The following DENND6A variants were observed in gnomAD, a reference collection of about 807,000 sequenced individuals.
DENND6A encodes the protein protein DENND6A.
In DENND6A, 43 loss-of-function variants were observed where a neutral mutation model predicts 95.5. The ratio of observed to expected loss-of-function variants is 0.45; its 90% confidence interval spans 0.35 to 0.58. DENND6A has a LOEUF of 0.58. Among genes scored for constraint, DENND6A ranks in the 20% least tolerant of loss-of-function variants. The pLI is 0.00. For missense variants in DENND6A, 574 were observed against 736.0 expected, an observed-to-expected ratio of 0.78 and a Z score of 2.55; for synonymous variants, 257 against 260.4, an observed-to-expected ratio of 0.99 and a Z score of 0.13.
chr3:57,666,266 G>A, intron 3 of DENND6A, 31 bp from the exon 4 acceptor site: 1 of 1,523,804 alleles, frequency 6.6e-7, no homozygotes, highest in South Asian at 1.1e-5. Flanking sequence ...ATAAATTAAG[G>A]ATAGCTTAGT....
chr3:57,688,608 G>T (rs959088992), intron 1 of DENND6A, among the ~76,000 whole-genome samples: 1 of 151,854 alleles, frequency 6.6e-6, no homozygotes, highest in Non-Finnish European at 1.5e-5. Flanking sequence ...AGTAACGGGG[G>T]AGCAGAAACT....
intron 1 of DENND6A, among the ~76,000 whole-genome samples, chr3:57,689,512 A>AC: frequency 6.6e-6 from 1 of 151,942 alleles, no homozygotes; most frequent in Non-Finnish European, 1.5e-5. Flanking sequence ...AGCTCAGCAC[A>AC]CCCCCTGCAG....
rs1298313999 is a variant in DENND6A, at chr3:57,634,641, A to G, written c.1199-19T>C. The G allele has an allele frequency of 6.7e-7, 1 of 1,491,424 alleles. No homozygotes were observed. Among genetic ancestry groups the G allele is most frequent in the Non-Finnish European group, 9.0e-7 (1 of 1,115,854 alleles). The allele number at this position is 1,491,424 out of a possible 1,614,324, so 92.4% of individuals were successfully genotyped here. ...TAAACTCCTAAGAGCAAAGAAAAGA[A>G]GGTAAACAAAAAAACCCAAGTACCA... On this transcript the variant is annotated intron_variant, in intron 13 of 19. Transcript: ENST00000311128.
chr3:57,685,842 T>C (rs1015815856), intron 1 of DENND6A, among the ~76,000 whole-genome samples: 3 of 152,192 alleles, frequency 2.0e-5, no homozygotes, highest in African/African-American at 4.8e-5. Context: ...AGAAAAGCCA[T>C]ACATAGTTTG....
At chr3:57,649,688 CA>C (rs202175902) in intron 9 of DENND6A, among the ~76,000 whole-genome samples, 2,067 of 151,466 alleles carry the variant, frequency 0.014, 49 homozygotes, top group African/African-American at 0.048. Flanking sequence ...ATTTGTCCCC[CA>C]TGCTAATACT....
intron 9 of DENND6A, among the ~76,000 whole-genome samples, chr3:57,647,855 G>T (rs1355429488): frequency 1.3e-5 from 2 of 151,354 alleles, no homozygotes; most frequent in African/African-American, 2.4e-5. Context: ...ATCCATGGGG[G>T]TGGGGGTGGG....
Position 57,650,387 on chromosome 3 carries a change from AAT to A in DENND6A, c.819-3951_819-3950del, listed in dbSNP as rs550018830. On this transcript the variant is annotated intron_variant, in intron 9 of 19. Transcript: ENST00000311128. ...TAAATCAGTTAATAAAAAATAATTTAATATATGAGTGTGTATATATACATGCA... is the reference window on the plus strand; with the variant it reads ...TAAATCAGTTAATAAAAAATAATTTAATATGAGTGTGTATATATACATGCA... Among the ~76,000 whole-genome samples, 208 of 150,864 alleles carry A rather than the reference AAT, an allele frequency of 1.4e-3. 1 individual carries two copies. Among genetic ancestry groups the A allele is most frequent in the East Asian group, 1.4e-3 (7 of 5,074 alleles).
At chr3:57,637,037 G>A (rs997818596) in intron 12 of DENND6A, among the ~76,000 whole-genome samples, 2 of 151,976 alleles carry the variant, frequency 1.3e-5, no homozygotes, top group Admixed American at 6.6e-5. Flanking sequence ...TCAAAGAGTT[G>A]CAGATAATGG....
chr3:57,646,391 A>C lies in DENND6A; in HGVS notation c.866T>G (p.Val289Gly), dbSNP rs2071080983. The change falls in exon 10 of 20, where the codon GTG (valine) becomes GGG (glycine). Residue 289 changes from valine (V) to glycine (G), a missense_variant. Val to Gly is a moderately radical substitution (Grantham distance 109, BLOSUM62 -3). Transcript: ENST00000311128. Reference sequence around the variant, plus strand: ...AACCACAAGGGGCTCCCCCAACAGCACCAGCTCCCAGAGCATCTGACTATG... The same window carrying C: ...AACCACAAGGGGCTCCCCCAACAGCCCCAGCTCCCAGAGCATCTGACTATG... Reference protein sequence around the residue: ...FLHSQMLWELVLLGEPLVVMA... With the variant: ...FLHSQMLWELGLLGEPLVVMA... 7 of 1,614,130 alleles carry C rather than the reference A, an allele frequency of 4.3e-6. No homozygotes were observed. Among genetic ancestry groups the C allele is most frequent in the Non-Finnish European group, 5.1e-6 (6 of 1,180,022 alleles).
intron 2 of DENND6A, 49 bp from the exon 3 acceptor site, chr3:57,672,347 A>G: frequency 6.2e-7 from 1 of 1,609,768 alleles, no homozygotes; most frequent in Non-Finnish European, 8.5e-7. Flanking sequence ...CATAATCAAT[A>G]AAAACAAACA....
rs181944959 is a variant in DENND6A at position 57,653,647 on chromosome 3, G to T, written c.818+4033C>A. On this transcript the variant is annotated intron_variant, in intron 9 of 19. Coordinates refer to ENST00000311128, the MANE Select transcript of DENND6A (RefSeq NM_152678.3). The stretch of plus-strand genomic sequence containing the variant: ...TGTAGTCCCAGCTACTCGGGAGGCT[G>T]AGGCAGGAGAATTGCTTGAACCCAG... 3.0e-3 allele frequency among the ~76,000 whole-genome samples: 450 copies of T among 151,438 alleles called. 1 individual carries two copies. The highest frequency in any genetic ancestry group is 0.01 in the African/African-American group (419 of 41,266).
chr3:57,662,277 A>G (rs1216129676), intron 5 of DENND6A, among the ~76,000 whole-genome samples: 1 of 140,836 alleles, frequency 7.1e-6, no homozygotes, highest in Non-Finnish European at 1.5e-5. Context: ...TGCTGCCTCA[A>G]CCTCATGGGC....
intron 3 of DENND6A, 84 bp downstream of exon 3, chr3:57,672,171 AT>A: frequency 2.4e-6 from 3 of 1,271,972 alleles, no homozygotes; most frequent in Non-Finnish European, 3.3e-6. Flanking sequence ...CTAATATGCT[AT>A]TTCAATCAAT....
At chr3:57,692,756 C>T in intron 1 of DENND6A, 26 bp downstream of exon 1, 1 of 1,436,912 alleles carries the variant, frequency 7.0e-7, no homozygotes, top group Non-Finnish European at 9.1e-7. Flanking sequence ...GGAGGAGCGC[C>T]GAGAAAGGGC....
intron 1 of DENND6A, among the ~76,000 whole-genome samples, chr3:57,687,661 G>T (rs978997457): frequency 6.6e-6 from 1 of 152,114 alleles, no homozygotes; most frequent in African/African-American, 2.4e-5. Flanking sequence ...AGCCAGGTGT[G>T]GTCGCTCATG....
intron 12 of DENND6A, among the ~76,000 whole-genome samples, chr3:57,638,897 G>A (rs907469439): frequency 3.3e-5 from 5 of 152,076 alleles, no homozygotes; most frequent in African/African-American, 1.2e-4. Flanking sequence ...GAGCACAGGA[G>A]TTTAGGACCA....
intron 11 of DENND6A, 45 bp downstream of exon 11, chr3:57,645,616 G>A: frequency 2.2e-6 from 3 of 1,370,446 alleles, no homozygotes; most frequent in Non-Finnish European, 3.1e-6. Context: ...ACACAATTTT[G>A]GTTATAAAGG....
chr3:57,634,627 G>A lies in DENND6A; in HGVS notation c.1199-5C>T, dbSNP rs1178227919. 2 of 1,486,998 alleles carry A rather than the reference G, an allele frequency of 1.3e-6. No individual in the cohort carries two copies. Among genetic ancestry groups the A allele is most frequent in the South Asian group, 2.8e-5 (2 of 72,484 alleles). 92.1% of individuals were successfully genotyped at this position (1,486,998 alleles called of 1,614,324 possible). ...GCTTATATGAAGTATAAACTCCTAAGAGCAAAGAAAAGAAGGTAAACAAAA... is the reference window on the plus strand; with the variant it reads ...GCTTATATGAAGTATAAACTCCTAAAAGCAAAGAAAAGAAGGTAAACAAAA... On this transcript the variant is annotated splice_region_variant and splice_polypyrimidine_tract_variant and intron_variant, in intron 13 of 19. Coordinates refer to ENST00000311128, the MANE Select transcript of DENND6A (RefSeq NM_152678.3).
intron 1 of DENND6A, among the ~76,000 whole-genome samples, chr3:57,673,213 C>CAAAAA (rs386396751): frequency 2.6e-4 from 18 of 70,388 alleles, no homozygotes; most frequent in South Asian, 5.7e-4. Flanking sequence ...CATTTCGTAT[C>CAAAAA]AAAAAAAAAA....
Sources: gnomAD v4.1 joint callset for allele counts (sites outside exome capture counted in the v4.1 genomes callset) on GRCh38, gnomAD v4.1.1 for gene constraint, MANE v1.5 for transcripts, NCBI Gene and HGNC (gene_info 2026-07-23, HGNC 2026-07-21) for gene names.